JDP2: variants seen among roughly 807,000 people sequenced by gnomAD.
The protein encoded by JDP2 is progesterone receptor co-activator.
A neutral mutation model predicts 17.1 loss-of-function variants in JDP2; 9 were observed. The ratio of observed to expected loss-of-function variants is 0.53; its 90% CI spans 0.32 to 0.92. The LOEUF is 0.92. Ranked by LOEUF, JDP2 falls within the 40% of genes least tolerant of loss-of-function variation. The probability of loss-of-function intolerance (pLI) is 0.04; values close to 1 mark genes in which losing one functional copy is unlikely to be tolerated. For missense variants in JDP2, 179 were observed against 220.0 expected (o/e 0.81, Z 1.18); for synonymous variants, 107 against 95.6 (o/e 1.12, Z -0.69).
intron 3 of JDP2, among the ~76,000 whole-genome samples, chr14:75,466,251 G>A (rs1269727008): frequency 6.6e-6 from 1 of 152,168 alleles, no homozygotes; most frequent in Non-Finnish European, 1.5e-5. Flanking sequence ...GACCAGCCTG[G>A]CTAACATAGT....
intron 2 of JDP2, among the ~76,000 whole-genome samples, chr14:75,453,739 C>T (rs1175432283): frequency 1.3e-5 from 2 of 152,168 alleles, no homozygotes; most frequent in African/African-American, 2.4e-5. Flanking sequence ...TCTTAAAGAC[C>T]ACCCCCCAAC....
intron 3 of JDP2, among the ~76,000 whole-genome samples, chr14:75,467,386 A>G (rs1419958532): frequency 6.6e-6 from 1 of 152,138 alleles, no homozygotes; most frequent in East Asian, 1.9e-4. Context: ...GTCACACAGT[A>G]GTAAGCTCTG....
intron 2 of JDP2, chr14:75,445,421 G>C: frequency 1.0e-6 from 1 of 985,372 alleles, no homozygotes; most frequent in Non-Finnish European, 1.2e-6. Context: ...CGTAGTGCAT[G>C]TGTATGCTCT....
At chr14:75,458,293 T>G (rs1052628943) in intron 2 of JDP2, among the ~76,000 whole-genome samples, 4 of 152,196 alleles carry the variant, frequency 2.6e-5, no homozygotes, top group African/African-American at 9.7e-5. Flanking sequence ...TAGCCAATAA[T>G]TATTTTTTCT....
chr14:75,460,203 G>A (rs972082948), intron 2 of JDP2, among the ~76,000 whole-genome samples: 2 of 152,290 alleles, frequency 1.3e-5, no homozygotes, highest in Non-Finnish European at 2.9e-5. Flanking sequence ...TCCAGGGGTC[G>A]TATTTCACGC....
At chr14:75,455,396 T>A (rs941454901) in intron 2 of JDP2, among the ~76,000 whole-genome samples, 2 of 152,148 alleles carry the variant, frequency 1.3e-5, no homozygotes, top group African/African-American at 4.8e-5. Context: ...GGGGGTGGAC[T>A]TATGTAAATC....
At chr14:75,450,705 C>T (rs1386929453) in intron 2 of JDP2, among the ~76,000 whole-genome samples, 1 of 152,248 alleles carries the variant, frequency 6.6e-6, no homozygotes, top group Non-Finnish European at 1.5e-5. Context: ...TCAGGAGTGT[C>T]TGGGTTCTTG....
At chr14:75,441,821 C>T (rs1484437734) in intron 2 of JDP2, among the ~76,000 whole-genome samples, 5 of 152,214 alleles carry the variant, frequency 3.3e-5, no homozygotes, top group Non-Finnish European at 1.5e-5. Context: ...CTGGACTCCT[C>T]CACCAACCAG....
In JDP2 at chr14:75,473,660, A is replaced by C. The variant is rs147472645; in HGVS notation, c.*4185A>C. On this transcript the variant is annotated 3_prime_UTR_variant, in exon 4 of 4. Transcript: ENST00000651602. ...AGGTAAAAAAGAATGAACCAGAGCTATATGTATCAATATGGATAAATCTCA... is the reference window on the plus strand; with the variant it reads ...AGGTAAAAAAGAATGAACCAGAGCTCTATGTATCAATATGGATAAATCTCA... 1.3e-5 allele frequency: 2 copies of C among 152,386 alleles called. No homozygotes were observed. The highest frequency in any genetic ancestry group is 4.8e-5 in the African/African-American group (2 of 41,596). The allele number at this position is 152,386 out of a possible 1,614,324, so 9.4% of individuals were successfully genotyped here.
chr14:75,465,073 C>T (rs1041553734), intron 3 of JDP2, among the ~76,000 whole-genome samples: 10 of 152,130 alleles, frequency 6.6e-5, no homozygotes, highest in African/African-American at 1.4e-4. Flanking sequence ...ACCCAGTGGC[C>T]GAGTCAGGAC....
At chr14:75,462,012 T>C (rs1159337127) in intron 3 of JDP2, among the ~76,000 whole-genome samples, 1 of 152,232 alleles carries the variant, frequency 6.6e-6, no homozygotes, top group Non-Finnish European at 1.5e-5. Context: ...CAGCCCTGCA[T>C]GCCATCTGGC....
At chr14:75,446,893 A>G (rs2139968223) in intron 2 of JDP2, among the ~76,000 whole-genome samples, 1 of 152,352 alleles carries the variant, frequency 6.6e-6, no homozygotes, top group South Asian at 2.1e-4. Context: ...CTGAAAAGGA[A>G]TAATGTATAC....
rs1305901366 is a variant in JDP2, at chr14:75,469,119, A to G, written c.307-171A>G. ...GGCCAGTGTCACCGCTGTGGCAGGCACTGCCTGCAGAAAGTCAGTTAGCCA... is the reference window on the plus strand; with the variant it reads ...GGCCAGTGTCACCGCTGTGGCAGGCGCTGCCTGCAGAAAGTCAGTTAGCCA... On this transcript the variant is annotated intron_variant, in intron 3 of 3. Coordinates refer to ENST00000651602, the MANE Select transcript of JDP2 (RefSeq NM_001135048.2). 5.3e-5 allele frequency among the ~76,000 whole-genome samples: 8 copies of G among 152,230 alleles called. No individual in the cohort carries two copies. In the East Asian group the frequency reaches 1.5e-3, roughly 29 times the overall value.
intron 2 of JDP2, among the ~76,000 whole-genome samples, chr14:75,450,863 T>C (rs1885821269): frequency 6.6e-6 from 1 of 152,092 alleles, no homozygotes; most frequent in South Asian, 2.1e-4. Flanking sequence ...TAGAATATAA[T>C]ACAGTAGGGG....
At chr14:75,434,076 G>C (rs1216377574) in intron 1 of JDP2, among the ~76,000 whole-genome samples, 3 of 152,172 alleles carry the variant, frequency 2.0e-5, no homozygotes. Flanking sequence ...TCTTTCCTAA[G>C]TCTTCCTTGA....
rs1886739899 is a variant in JDP2 at position 75,469,826 on chromosome 14, C to T, written c.*351C>T. Reference sequence around the variant, plus strand: ...CTTCTCTGGCCTCTTCACCAGGGCACCCATCCAAGGAACCTCCGAACAGCC... The same window carrying T: ...CTTCTCTGGCCTCTTCACCAGGGCATCCATCCAAGGAACCTCCGAACAGCC... On this transcript the variant is annotated 3_prime_UTR_variant, in exon 4 of 4. Transcript: ENST00000651602. The T allele has an allele frequency of 1.0e-5, 2 of 194,878 alleles. No homozygotes were observed. Among genetic ancestry groups the T allele is most frequent in the Non-Finnish European group, 1.0e-5 (1 of 95,670 alleles). The allele number at this position is 194,878 out of a possible 1,614,324, so 12.1% of individuals were successfully genotyped here. A position where few individuals can be genotyped will look rare whatever the true frequency, so the allele number is the denominator to read the frequency against.
chr14:75,466,038 TA>T (rs35602019), intron 3 of JDP2, among the ~76,000 whole-genome samples: 7,845 of 149,768 alleles, frequency 0.052, 319 homozygotes, highest in Admixed American at 0.1. Flanking sequence ...AATCATGGTT[TA>T]AAAAAAAAAG....
At chr14:75,429,021 G>T (rs546810521) in intron 1 of JDP2, among the ~76,000 whole-genome samples, 2 of 152,026 alleles carry the variant, frequency 1.3e-5, no homozygotes, top group African/African-American at 2.4e-5. Context: ...AGGGGTAGGG[G>T]TGCAGTGGGG....
rs368035782 is a variant in JDP2 at position 75,454,989 on chromosome 14, G to A, written c.202-6437G>A. On this transcript the variant is annotated intron_variant, in intron 2 of 3. Coordinates refer to ENST00000651602, the MANE Select transcript of JDP2 (RefSeq NM_001135048.2). ...CACTGCAGCCGTCCAGTGCAGAGGC[G>A]ACGAGGGCTTGGACCAGGCTGGAGG... 5.6e-4 allele frequency among the ~76,000 whole-genome samples: 85 copies of A among 152,228 alleles called. 1 individual carries two copies. The highest frequency in any genetic ancestry group is 3.4e-3 in the Middle Eastern group (1 of 294).
Sources: allele counts gnomAD v4.1 joint callset (sites outside exome capture counted in the v4.1 genomes callset), GRCh38; gene constraint gnomAD v4.1.1; transcripts MANE v1.5; gene names NCBI Gene and HGNC (gene_info 2026-07-23, HGNC 2026-07-21).